The following RSPO2 variants were observed in gnomAD, a reference collection of about 807,000 sequenced individuals.
RSPO2 encodes R-spondin 2.
RSPO2 carries 14 observed loss-of-function variants against 30.9 expected under a neutral mutation model. The ratio of observed to expected loss-of-function variants is 0.45; its 90% CI spans 0.30 to 0.71. The LOEUF is 0.71. RSPO2 is among the 30% of genes least tolerant of loss of function. The pLI is 0.08. For missense variants in RSPO2, 264 were observed against 301.9 expected (o/e 0.87, Z 0.93); for synonymous variants, 107 against 96.4 (o/e 1.11, Z -0.64).
At chr8:108,065,564 G>T (rs1375238649) in intron 2 of RSPO2, among the ~76,000 whole-genome samples, 1 of 150,486 alleles carries the variant, frequency 6.6e-6, no homozygotes. Flanking sequence ...TATGCCAATA[G>T]TAATGATTCA....
At chr8:107,958,919 T>A (rs1203926523) in intron 4 of RSPO2, among the ~76,000 whole-genome samples, 1 of 152,210 alleles carries the variant, frequency 6.6e-6, no homozygotes, top group Non-Finnish European at 1.5e-5. Context: ...GGTATATATG[T>A]ACCACATTTT....
intron 2 of RSPO2, among the ~76,000 whole-genome samples, chr8:108,044,917 CA>C (rs1811868828): frequency 6.6e-6 from 1 of 152,060 alleles, no homozygotes; most frequent in Admixed American, 6.6e-5. Flanking sequence ...TCACCGTATA[CA>C]AAAGTTAACT....
chr8:108,007,883 C>T (rs527947441), intron 2 of RSPO2, among the ~76,000 whole-genome samples: 9 of 151,994 alleles, frequency 5.9e-5, no homozygotes, highest in Non-Finnish European at 8.8e-5. Context: ...GAGGCTGCAG[C>T]GCACCATAAT....
chr8:108,054,968 A>ACGATTAGCC (rs1812197295), intron 2 of RSPO2, among the ~76,000 whole-genome samples: 1 of 151,652 alleles, frequency 6.6e-6, no homozygotes, highest in Admixed American at 6.6e-5. Flanking sequence ...AAACAAAACA[A>ACGATTAGCC]CGATTAGCCG....
At chr8:107,993,066 CATATA>C (rs1343108632) in intron 2 of RSPO2, among the ~76,000 whole-genome samples, 3 of 151,142 alleles carry the variant, frequency 2.0e-5, no homozygotes, top group African/African-American at 4.9e-5. Flanking sequence ...ATGTAAAAAA[CATATA>C]ATGATTTTCA....
chr8:108,062,667 T>A lies in RSPO2; in HGVS notation c.94+19878A>T, dbSNP rs565994100. 3.4e-4 allele frequency among the ~76,000 whole-genome samples: 51 copies of A among 151,954 alleles called. 4 individuals are homozygous for A. The highest frequency in any genetic ancestry group is 2.7e-3 in the Admixed American group (41 of 15,294). ...CAATCAACAGAAAAAGACGGAATCC[T>A]CCCTAACTCATTTTATGAGGCCAGA... On this transcript the variant is annotated intron_variant, in intron 2 of 5. Transcript: ENST00000276659.
rs184430676 is a variant in RSPO2 at position 107,995,433 on chromosome 8, A to T, written c.95-6189T>A. On this transcript the variant is annotated intron_variant, in intron 2 of 5. Coordinates refer to ENST00000276659, the MANE Select transcript of RSPO2 (RefSeq NM_178565.5). Reference sequence around the variant, plus strand: ...GTGTTTTTCATACACATCATACTGTACCTGTTGGGTCATAACTTGTTCAAT... The same window carrying T: ...GTGTTTTTCATACACATCATACTGTTCCTGTTGGGTCATAACTTGTTCAAT... Among the ~76,000 whole-genome samples, 226 of 152,226 alleles carry T rather than the reference A, an allele frequency of 1.5e-3. 1 individual carries two copies. The highest frequency in any genetic ancestry group is 2.2e-3 in the Admixed American group (34 of 15,286).
At chr8:107,954,481 C>T (rs1813351304) in intron 5 of RSPO2, among the ~76,000 whole-genome samples, 1 of 152,154 alleles carries the variant, frequency 6.6e-6, no homozygotes, top group Admixed American at 6.6e-5. Context: ...GGAGTGGAGA[C>T]AGTTATATCT....
intron 2 of RSPO2, among the ~76,000 whole-genome samples, chr8:108,041,077 G>A (rs992609360): frequency 2.6e-5 from 4 of 151,834 alleles, no homozygotes; most frequent in Non-Finnish European, 4.4e-5. Flanking sequence ...AGCATCAAAG[G>A]AAAATGCGGG....
chr8:107,977,131 A>T (rs1814244292), intron 3 of RSPO2, among the ~76,000 whole-genome samples: 1 of 152,220 alleles, frequency 6.6e-6, no homozygotes, highest in South Asian at 2.1e-4. Flanking sequence ...GCCCATAAAC[A>T]GGTATGTGTG....
chr8:108,000,540 T>TG (rs1401527681), intron 2 of RSPO2, among the ~76,000 whole-genome samples: 2 of 151,914 alleles, frequency 1.3e-5, no homozygotes, highest in Non-Finnish European at 2.9e-5. Context: ...TTGTGTTTTT[T>TG]TTTTGAGTTT....
chr8:108,026,421 A>C (rs1433881204), intron 2 of RSPO2, among the ~76,000 whole-genome samples: 1 of 152,172 alleles, frequency 6.6e-6, no homozygotes, highest in East Asian at 1.9e-4. Context: ...TATCAGTGCT[A>C]GTTTCCTTAT....
At chr8:108,010,842 C>T (rs1810681536) in intron 2 of RSPO2, among the ~76,000 whole-genome samples, 1 of 152,194 alleles carries the variant, frequency 6.6e-6, no homozygotes. Flanking sequence ...ATTAACAAGA[C>T]ACAAGATTAA....
At chr8:108,059,311 C>G (rs2075300639) in intron 2 of RSPO2, among the ~76,000 whole-genome samples, 1 of 151,834 alleles carries the variant, frequency 6.6e-6, no homozygotes, top group African/African-American at 2.4e-5. Flanking sequence ...GATACCATCT[C>G]ATACCATTTA....
chr8:107,929,781 T>C lies in RSPO2; in HGVS notation c.616+28299A>G, dbSNP rs181116093. On this transcript the variant is annotated intron_variant, in intron 5 of 5. Transcript: ENST00000276659. ...CAGTAACTGCTTTTCTTCTATTTCTTCCACCTATCCAAATAGGTTTTCTAC... is the reference window on the plus strand; with the variant it reads ...CAGTAACTGCTTTTCTTCTATTTCTCCCACCTATCCAAATAGGTTTTCTAC... Among the ~76,000 whole-genome samples the C allele has an allele frequency of 3.2e-4, 48 of 152,294 alleles. No individual in the cohort carries two copies. In the East Asian group the frequency reaches 4.8e-3, roughly 15 times the overall value.
chr8:107,990,818 A>G (rs1372761943), intron 2 of RSPO2, among the ~76,000 whole-genome samples: 2 of 152,212 alleles, frequency 1.3e-5, no homozygotes, highest in Non-Finnish European at 2.9e-5. Flanking sequence ...ACAGAGCTAC[A>G]GTAGCCAAAA....
intron 2 of RSPO2, among the ~76,000 whole-genome samples, chr8:108,047,677 G>T (rs1342341403): frequency 6.6e-6 from 1 of 151,902 alleles, no homozygotes; most frequent in Non-Finnish European, 1.5e-5. Context: ...GTGAAACCCC[G>T]TCTCTATTAA....
intron 5 of RSPO2, among the ~76,000 whole-genome samples, chr8:107,929,595 A>C (rs1812489168): frequency 6.6e-6 from 1 of 152,202 alleles, no homozygotes; most frequent in Non-Finnish European, 1.5e-5. Flanking sequence ...GAGCTTATAC[A>C]GATAAATGGG....
intron 3 of RSPO2, among the ~76,000 whole-genome samples, chr8:107,964,619 C>A (rs1813737605): frequency 6.6e-6 from 1 of 152,152 alleles, no homozygotes; most frequent in African/African-American, 2.4e-5. Flanking sequence ...CCTTGATGAC[C>A]TTTCCTCAGC....
Sources: gnomAD v4.1 joint callset for allele counts (sites outside exome capture counted in the v4.1 genomes callset) on GRCh38, gnomAD v4.1.1 for gene constraint, MANE v1.5 for transcripts, NCBI Gene and HGNC (gene_info 2026-07-23, HGNC 2026-07-21) for gene names.